The following LAMC3 variants were observed in gnomAD, a reference collection of about 807,000 sequenced individuals.
LAMC3 encodes the protein laminin subunit gamma 3.
In LAMC3, 128 loss-of-function variants were observed where a neutral mutation model predicts 173.8. That is an observed-to-expected ratio of 0.74 (90% CI 0.64 to 0.85). The LOEUF is 0.85. LAMC3 is among the 40% of genes least tolerant of loss of function. The pLI is 0.00. For synonymous variants in LAMC3, 897 were observed against 909.1 expected (o/e 0.99, Z 0.24); for missense variants, 2,022 against 2,156.0 (o/e 0.94, Z 1.23).
At chr9:131,043,712 A>G (rs1299740557) in intron 7 of LAMC3, among the ~76,000 whole-genome samples, 1 of 152,268 alleles carries the variant, frequency 6.6e-6, no homozygotes, top group Non-Finnish European at 1.5e-5. Context: ...GAATGTAGAA[A>G]TGAAGGAACT....
At position 131,026,625 on chromosome 9, in the gene LAMC3, G is replaced by T; in HGVS notation, c.678+36G>T. 6.5e-7 allele frequency: 1 copy of T among 1,526,774 alleles called. No individual in the cohort carries two copies. The highest frequency in any genetic ancestry group is 2.4e-5 in the East Asian group (1 of 42,084). 94.6% of individuals were successfully genotyped at this position (1,526,774 alleles called of 1,614,324 possible). On this transcript the variant is annotated intron_variant, in intron 2 of 27. Coordinates refer to ENST00000361069, the MANE Select transcript of LAMC3 (RefSeq NM_006059.4). The surrounding 1 kb of genome is among the most constrained non-coding windows in gnomAD (Gnocchi z 4.8). ...AGCGGGGCTTCGGAGGTTGGGACGGGGTTGGGACTGGGTCACGGCAGTAGG... is the reference window on the plus strand; with the variant it reads ...AGCGGGGCTTCGGAGGTTGGGACGGTGTTGGGACTGGGTCACGGCAGTAGG...
Position 131,039,136 on chromosome 9 carries a change from C to T in LAMC3, c.1171C>T (p.Leu391=), listed in dbSNP as rs1225056216. ...CTGTGCCCTTCCTCTCCCAGGCTCC[C>T]TACACCTCCAGTGCGATGACACAGG... ...QPCDCQSAGS[L]HLQCDDTGTC... The change falls in exon 6 of 28, where the codon CTA becomes TTA. Residue 391 remains leucine, a synonymous_variant. Coordinates refer to ENST00000361069, the MANE Select transcript of LAMC3 (RefSeq NM_006059.4). 3 of 1,611,602 alleles carry T rather than the reference C, an allele frequency of 1.9e-6. No individual in the cohort carries two copies. The highest frequency in any genetic ancestry group is 2.7e-5 in the African/African-American group (2 of 75,054).
chr9:131,055,125 A>T (rs954577128), intron 11 of LAMC3, among the ~76,000 whole-genome samples: 4 of 152,166 alleles, frequency 2.6e-5, no homozygotes, highest in Admixed American at 6.5e-5. Flanking sequence ...GTATTCCAGT[A>T]TAAGTGTCGC....
At chr9:131,049,468 A>G (rs899610927) in intron 9 of LAMC3, among the ~76,000 whole-genome samples, 1 of 152,078 alleles carries the variant, frequency 6.6e-6, no homozygotes, top group Non-Finnish European at 1.5e-5. Flanking sequence ...TGTATTTGCC[A>G]TTAATCTCTA....
intron 13 of LAMC3, among the ~76,000 whole-genome samples, chr9:131,062,672 T>C (rs1424485647): frequency 6.6e-6 from 1 of 151,962 alleles, no homozygotes; most frequent in Non-Finnish European, 1.5e-5. Flanking sequence ...AGTCTGAGAC[T>C]AGCCTGGCCA....
In LAMC3 at chr9:131,031,936, G is replaced by A. The variant is rs1833831490; in HGVS notation, c.679-109G>A. 7 of 1,596,506 alleles carry A rather than the reference G, an allele frequency of 4.4e-6. No homozygotes were observed. The Admixed American group carries it at 1.2e-4, about 27-fold the overall frequency. ...ATTGGCCTGAGCTCGGCCTGTTCCT[G>A]TGTCCCAGGAGCTCCCGGGGCAGCC... On this transcript the variant is annotated intron_variant, in intron 2 of 27. Transcript: ENST00000361069.
intron 13 of LAMC3, among the ~76,000 whole-genome samples, chr9:131,066,574 A>G (rs1055188877): frequency 6.6e-6 from 1 of 152,094 alleles, no homozygotes; most frequent in South Asian, 2.1e-4. Flanking sequence ...GATAGTGGTG[A>G]TGGTGAAGAT....
At chr9:131,062,032 CAG>C (rs998669739) in intron 13 of LAMC3, among the ~76,000 whole-genome samples, 2 of 151,948 alleles carry the variant, frequency 1.3e-5, no homozygotes, top group African/African-American at 2.4e-5. Flanking sequence ...GCCTGGGTGA[CAG>C]AGCCAGACCC....
At chr9:131,057,966 C>T (rs1046455995) in intron 12 of LAMC3, among the ~76,000 whole-genome samples, 1 of 152,258 alleles carries the variant, frequency 6.6e-6, no homozygotes, top group Non-Finnish European at 1.5e-5. Flanking sequence ...GGGACCCTTC[C>T]TGTCCCATCT....
intron 1 of LAMC3, among the ~76,000 whole-genome samples, chr9:131,012,785 G>A (rs1453506868): frequency 6.6e-6 from 1 of 152,242 alleles, no homozygotes; most frequent in Non-Finnish European, 1.5e-5. Flanking sequence ...CTCATGGGAA[G>A]GGAGAGTGGG....
chr9:131,012,917 T>C (rs1262409149), intron 1 of LAMC3, among the ~76,000 whole-genome samples: 1 of 152,168 alleles, frequency 6.6e-6, no homozygotes, highest in African/African-American at 2.4e-5. Flanking sequence ...CCTCCCGTCA[T>C]CTCTGAGCTG....
At chr9:131,090,952 C>T (rs1273358881) in intron 27 of LAMC3, among the ~76,000 whole-genome samples, 1 of 152,218 alleles carries the variant, frequency 6.6e-6, no homozygotes, top group Non-Finnish European at 1.5e-5. Flanking sequence ...TCGCTTGAAC[C>T]TGAGGCCACA....
intron 2 of LAMC3, among the ~76,000 whole-genome samples, chr9:131,027,697 C>T (rs1448493897): frequency 1.3e-5 from 2 of 152,210 alleles, no homozygotes; most frequent in African/African-American, 4.8e-5. Context: ...GTTGGAGAGA[C>T]TGCTGTGGGG....
intron 1 of LAMC3, among the ~76,000 whole-genome samples, chr9:131,023,154 G>A (rs186287021): frequency 3.2e-4 from 48 of 152,246 alleles, no homozygotes; most frequent in South Asian, 1.9e-3. Flanking sequence ...TATATGCCAC[G>A]TTTTATTGAT....
At position 131,026,474 on chromosome 9, in the gene LAMC3, C is replaced by A. The variant is rs1290346228; in HGVS notation, c.563C>A (p.Ala188Asp). 6.2e-7 allele frequency: 1 copy of A among 1,613,360 alleles called. No individual in the cohort carries two copies. Among genetic ancestry groups the A allele is most frequent in the East Asian group, 2.2e-5 (1 of 44,878 alleles). ...YLRPGEDERV[A>D]FCTSEFSDIS... Reference sequence around the variant, plus strand: ...CGCCCCGGCGAGGACGAGCGCGTGGCCTTCTGCACCTCTGAGTTCAGCGAC... The same window carrying A: ...CGCCCCGGCGAGGACGAGCGCGTGGACTTCTGCACCTCTGAGTTCAGCGAC... The change falls in exon 2 of 28, where the codon GCC becomes GAC. Residue 188 changes from alanine (A) to aspartate (D), a missense_variant. Ala to Asp is a moderately radical substitution (Grantham distance 126). Transcript: ENST00000361069. The surrounding 1 kb of genome is among the most constrained non-coding windows in gnomAD (Gnocchi z 4.8).
chr9:131,041,578 C>A (rs1834057880), intron 6 of LAMC3, 59 bp from the exon 7 acceptor site: 3 of 1,452,134 alleles, frequency 2.1e-6, no homozygotes, highest in South Asian at 2.3e-5. Context: ...CTAGGATGGG[C>A]TGTTGCCATT....
At position 131,092,050 on chromosome 9, in the gene LAMC3, CAAT is replaced by C. The variant is rs1830437553; in HGVS notation, c.*266_*268del. ...TGCATAAACGGGCACACCCCAGTGT[CAAT>C]AACATACACACGTGAGGGTGCATGT... On this transcript the variant is annotated 3_prime_UTR_variant, in exon 28 of 28. Transcript: ENST00000361069. The C allele has an allele frequency of 5.5e-6, 3 of 549,590 alleles. No individual in the cohort carries two copies. The highest frequency in any genetic ancestry group is 9.9e-6 in the Non-Finnish European group (3 of 303,194). 34.0% of individuals were successfully genotyped at this position (549,590 alleles called of 1,614,324 possible).
intron 7 of LAMC3, among the ~76,000 whole-genome samples, chr9:131,043,618 C>A (rs1834096043): frequency 6.6e-6 from 1 of 152,186 alleles, no homozygotes; most frequent in Non-Finnish European, 1.5e-5. Context: ...TCCACGAATC[C>A]ATACTGATGT....
chr9:131,084,042 T>TTG (rs1830287733), intron 24 of LAMC3, among the ~76,000 whole-genome samples: 1 of 148,938 alleles, frequency 6.7e-6, no homozygotes, highest in Non-Finnish European at 1.5e-5. Context: ...ACCCGGCATT[T>TTG]TTTTTTTTTT....
Sources: allele counts gnomAD v4.1 joint callset (sites outside exome capture counted in the v4.1 genomes callset), GRCh38; gene constraint gnomAD v4.1.1; non-coding constraint Gnocchi (gnomAD v3.1); transcripts MANE v1.5; gene names NCBI Gene and HGNC (gene_info 2026-07-23, HGNC 2026-07-21).